PSMC1: variants seen among roughly 807,000 people sequenced by gnomAD.
PSMC1 encodes the protein 26S proteasome regulatory subunit 4.
In PSMC1, 5 loss-of-function variants were observed where a neutral mutation model predicts 49.8. The observed-to-expected ratio is 0.10, with a 90% CI of 0.05 to 0.21. PSMC1 has a LOEUF of 0.21. PSMC1 is among the 10% of genes least tolerant of loss of function. The pLI, the probability that PSMC1 is intolerant of heterozygous loss-of-function variation, is 1.00. For synonymous variants in PSMC1, 155 were observed against 192.1 expected (o/e 0.81, Z 1.60); for missense variants, 181 against 535.7 (o/e 0.34, Z 6.54).
At chr14:90,260,664 G>A (rs890441726) in intron 3 of PSMC1, among the ~76,000 whole-genome samples, 6 of 152,134 alleles carry the variant, frequency 3.9e-5, no homozygotes, top group Non-Finnish European at 8.8e-5. Flanking sequence ...CCCGGGAGGC[G>A]GAGCTTGCAG....
chr14:90,272,275 A>C lies in PSMC1; in HGVS notation c.1191A>C (p.Ala397=). 6.2e-7 allele frequency: 1 copy of C among 1,602,504 alleles called. No individual in the cohort carries two copies. The highest frequency in any genetic ancestry group is 2.2e-5 in the East Asian group (1 of 44,798). Residue 397 remains alanine, a splice_region_variant and synonymous_variant, in exon 11 of 11, where the codon GCA becomes GCC. Transcript: ENST00000261303. The surrounding 1 kb of genome is among the most constrained non-coding windows in gnomAD (Gnocchi z 4.5). The part of the protein sequence containing the change: ...KDDLSGADIK[A]ICTEAGLMAL... ...GAACACACTCTTCTTTCTTACAGGC[A>C]ATCTGTACAGAAGCTGGTCTGATGG...
intron 3 of PSMC1, among the ~76,000 whole-genome samples, chr14:90,262,203 C>T (rs1427517404): frequency 3.4e-5 from 5 of 147,404 alleles, no homozygotes; most frequent in Admixed American, 6.8e-5. Flanking sequence ...ATGTAAATGA[C>T]GAGTTAATGA....
In PSMC1 at chr14:90,257,170, A is replaced by G. The variant is rs1402685378; in HGVS notation, c.3+570A>G. ...TAATAAAAACAGCTAGCATTTATTCATCAATTCACTAAACAAGTATTTACT... is the reference window on the plus strand; with the variant it reads ...TAATAAAAACAGCTAGCATTTATTCGTCAATTCACTAAACAAGTATTTACT... On this transcript the variant is annotated intron_variant, in intron 1 of 10. Transcript: ENST00000261303. 2.6e-5 allele frequency among the ~76,000 whole-genome samples: 4 copies of G among 151,656 alleles called. No homozygotes were observed. The South Asian group carries it at 6.3e-4, about 24-fold the overall frequency.
At chr14:90,263,294 T>C in intron 3 of PSMC1, 24 bp from the exon 4 acceptor site, 2 of 1,578,144 alleles carry the variant, frequency 1.3e-6, no homozygotes, top group South Asian at 1.2e-5. Flanking sequence ...CCACATATAA[T>C]GAAACTTTAT....
rs757732419 is a variant in PSMC1, at chr14:90,268,598, G to A, written c.881+185G>A. ...TAACAACTGCCCAGTAACTGTGAAC[G>A]TCTGGAGAGATTGGTCAGTTATGAA... On this transcript the variant is annotated intron_variant, in intron 8 of 10. Transcript: ENST00000261303. The A allele has an allele frequency of 2.4e-4, 144 of 602,480 alleles. 1 individual carries two copies. The highest frequency in any genetic ancestry group is 7.0e-5 in the Non-Finnish European group (24 of 345,032). 37.3% of individuals were successfully genotyped at this position (602,480 alleles called of 1,614,324 possible).
intron 3 of PSMC1, among the ~76,000 whole-genome samples, chr14:90,261,642 T>C (rs1318050353): frequency 6.6e-6 from 1 of 152,130 alleles, no homozygotes; most frequent in Non-Finnish European, 1.5e-5. Flanking sequence ...CATTAAAAAG[T>C]CAGGAAACAA....
chr14:90,264,180 T>C lies in PSMC1; in HGVS notation c.594+11T>C. ...ATTCAGGAAATTAAGGTATGATTGA[T>C]TGGTAACCATCTCTGGGTTTCAGTT... On this transcript the variant is annotated intron_variant, in intron 6 of 10. Coordinates refer to ENST00000261303, the MANE Select transcript of PSMC1 (RefSeq NM_002802.3). 6.2e-7 allele frequency: 1 copy of C among 1,612,252 alleles called. No homozygotes were observed. The highest frequency in any genetic ancestry group is 8.5e-7 in the Non-Finnish European group (1 of 1,179,588).
intron 7 of PSMC1, among the ~76,000 whole-genome samples, chr14:90,266,253 C>CAAAA (rs1295099578): frequency 7.6e-6 from 1 of 130,870 alleles, no homozygotes; most frequent in African/African-American, 2.8e-5. Flanking sequence ...AGACCATCTC[C>CAAAA]AAAAAAAAAA....
chr14:90,259,226 G>T lies in PSMC1; in HGVS notation c.57+13G>T, dbSNP rs1891350071. 2 of 1,613,406 alleles carry T rather than the reference G, an allele frequency of 1.2e-6. No homozygotes were observed. ...GAAGGATGACAAGGTAAATATGCCA[G>T]ATTTGTCCTGTGATATGAGCAAATT... On this transcript the variant is annotated intron_variant, in intron 2 of 10. Transcript: ENST00000261303.
chr14:90,264,951 TAAG>T (rs1891475715), intron 6 of PSMC1, 116 bp from the exon 7 acceptor site: 7 of 765,052 alleles, frequency 9.1e-6, no homozygotes, highest in East Asian at 2.5e-5. Flanking sequence ...ACATTGTCTC[TAAG>T]AAGAGTAATT....
intron 1 of PSMC1, 76 bp downstream of exon 1, chr14:90,256,676 G>A: frequency 5.2e-6 from 8 of 1,553,008 alleles, no homozygotes; most frequent in Non-Finnish European, 7.0e-6. Context: ...GAGAGAAAGA[G>A]GCGGCTGCCC....
intron 9 of PSMC1, 47 bp from the exon 10 acceptor site, chr14:90,270,151 C>A: frequency 6.3e-7 from 1 of 1,596,258 alleles, no homozygotes; most frequent in Non-Finnish European, 8.6e-7. Flanking sequence ...CATGGCCGAG[C>A]CTGGGTTTGG....
intron 1 of PSMC1, among the ~76,000 whole-genome samples, chr14:90,257,916 G>T (rs1446864156): frequency 6.6e-6 from 1 of 152,156 alleles, no homozygotes; most frequent in East Asian, 1.9e-4. Context: ...CGGATTTCTG[G>T]GTAGTATTCT....
intron 10 of PSMC1, chr14:90,271,012 T>C (rs920184633): frequency 3.3e-5 from 5 of 151,930 alleles, no homozygotes; most frequent in Non-Finnish European, 1.5e-5. Flanking sequence ...GATGTCTCTG[T>C]TGGCAAGTAA....
chr14:90,274,099 T>TG lies in PSMC1; in HGVS notation c.*1697dup, dbSNP rs141541486. The TG allele has an allele frequency of 0.018, 2,846 of 154,848 alleles. 88 individuals carry two copies. The highest frequency in any genetic ancestry group is 0.065 in the African/African-American group (2,694 of 41,516). The allele number at this position is 154,848 out of a possible 1,614,324, so 9.6% of individuals were successfully genotyped here. A position where few individuals can be genotyped will look rare whatever the true frequency, so the allele number is the denominator to read the frequency against. ...GCCTACCACAGAGGACATCCACACG[T>TG]GGGGGTGGCCCAGTGCAGGGTAAGG... is the stretch of plus-strand genomic sequence containing the variant. On this transcript the variant is annotated 3_prime_UTR_variant, in exon 11 of 11. Transcript: ENST00000261303.
In PSMC1 at chr14:90,263,361, G is replaced by A; in HGVS notation, c.198G>A (p.Glu66=). Residue 66 remains glutamate, a synonymous_variant, in exon 4 of 11, where the codon GAG becomes GAA. Transcript: ENST00000261303. ...GCCGGTTAAAATTACTGAAGTTAGA[G>A]AGAATTAAAGACTATCTTCTCATGG... ...TQCRLKLLKL[E]RIKDYLLMEE... is the part of the protein sequence containing the mutation. 1 of 1,591,430 alleles carries A rather than the reference G, an allele frequency of 6.3e-7. No individual in the cohort carries two copies. Among genetic ancestry groups the A allele is most frequent in the East Asian group, 2.2e-5 (1 of 44,718 alleles).
At chr14:90,259,802 A>G (rs1891362240) in intron 2 of PSMC1, among the ~76,000 whole-genome samples, 1 of 151,886 alleles carries the variant, frequency 6.6e-6, no homozygotes. Context: ...TTGTATTTTT[A>G]GTAGAGATGG....
intron 3 of PSMC1, among the ~76,000 whole-genome samples, chr14:90,262,356 A>C (rs1891417077): frequency 6.6e-6 from 1 of 152,138 alleles, no homozygotes; most frequent in South Asian, 2.1e-4. Context: ...AGAGAAAATG[A>C]AATTAGATTC....
rs1491397403 is a variant in PSMC1, at chr14:90,274,838, A to ACACACACACCCC, written c.*2432_*2433insACACACACCCCC. ...CACACACACACACACACACACACACACCCCAATACATATGAATTGATCTGA... is the reference window on the plus strand; with the variant it reads ...CACACACACACACACACACACACACACACACACACCCCCCCCAATACATATGAATTGATCTGA... On this transcript the variant is annotated 3_prime_UTR_variant, in exon 11 of 11. Coordinates refer to ENST00000261303, the MANE Select transcript of PSMC1 (RefSeq NM_002802.3). 3.0e-4 allele frequency: 20 copies of ACACACACACCCC among 67,218 alleles called. No individual in the cohort carries two copies. The highest frequency in any genetic ancestry group is 1.7e-3 in the East Asian group (5 of 2,958). 4.2% of individuals were successfully genotyped at this position (67,218 alleles called of 1,614,324 possible).
Sources: allele counts gnomAD v4.1 joint callset (sites outside exome capture counted in the v4.1 genomes callset), GRCh38; gene constraint gnomAD v4.1.1; non-coding constraint Gnocchi (gnomAD v3.1); transcripts MANE v1.5; gene names NCBI Gene and HGNC (gene_info 2026-07-23, HGNC 2026-07-21).